Variants in XIRP2 observed in about 807,000 individuals in gnomAD.
XIRP2 encodes xin actin binding repeat containing 2, also known as xin actin-binding repeat-containing protein 2.
In XIRP2, 236 loss-of-function variants were observed where a neutral mutation model predicts 277.0. The observed-to-expected ratio is 0.85, with a 90% CI of 0.77 to 0.95. The LOEUF (loss-of-function observed/expected upper bound fraction) is 0.95, where lower values mean the gene tolerates loss of function less well. Among genes scored for constraint, XIRP2 ranks in the 40% least tolerant of loss-of-function variants. The probability of loss-of-function intolerance (pLI) is 0.00; values close to 1 mark genes in which losing one functional copy is unlikely to be tolerated. For missense variants in XIRP2, 4,640 were observed against 4,157.5 expected (o/e 1.12, Z -3.19); for synonymous variants, 1,490 against 1,416.5 (o/e 1.05, Z -1.17).
rs1284422475 is a variant in XIRP2, at chr2:167,242,741, A to G, written c.1349A>G (p.Glu450Gly). Residue 450 changes from glutamate to glycine, a missense_variant, in exon 9 of 11, where the codon GAA becomes GGA. Glu to Gly is a moderately conservative substitution (Grantham distance 98). Transcript: ENST00000409195. ...QINATSSGMT[E>G]EFPPPPPDVL... ...AATGCTACTTCTTCAGGAATGACAG[A>G]AGAATTTCCTCCTCCCCCACCTGAC... 3.1e-6 allele frequency: 5 copies of G among 1,613,882 alleles called. No homozygotes were observed. The South Asian group carries it at 5.5e-5, about 18-fold the overall frequency.
chr2:167,188,874 G>A (rs966397503), intron 3 of XIRP2, among the ~76,000 whole-genome samples: 1 of 152,112 alleles, frequency 6.6e-6, no homozygotes, highest in African/African-American at 2.4e-5. Flanking sequence ...TCAACCACCT[G>A]AAAAATAAAA....
intron 3 of XIRP2, among the ~76,000 whole-genome samples, chr2:167,137,489 T>C (rs983018711): frequency 1.3e-5 from 2 of 152,058 alleles, no homozygotes; most frequent in African/African-American, 4.8e-5. Flanking sequence ...GAGCTTAGCA[T>C]AGGGAGGCAA....
At chr2:166,998,073 A>G (rs1687271112) in intron 2 of XIRP2, among the ~76,000 whole-genome samples, 1 of 152,180 alleles carries the variant, frequency 6.6e-6, no homozygotes, top group South Asian at 2.1e-4. Context: ...TTCAGAATAC[A>G]CATAAAATGC....
chr2:167,117,303 C>T (rs368144215), intron 2 of XIRP2, among the ~76,000 whole-genome samples: 4 of 152,098 alleles, frequency 2.6e-5, no homozygotes, highest in African/African-American at 4.8e-5. Context: ...TCCACCTCCC[C>T]ACTCCCCGCC....
chr2:167,250,034 C>G lies in XIRP2; in HGVS notation c.8642C>G (p.Ala2881Gly), dbSNP rs1250299833. 18 of 1,613,376 alleles carry G rather than the reference C, an allele frequency of 1.1e-5. No individual in the cohort carries two copies. The highest frequency in any genetic ancestry group is 1.5e-5 in the Non-Finnish European group (18 of 1,179,684). Residue 2881 changes from alanine (A) to glycine (G), a missense_variant, in exon 9 of 11, where the codon GCT (alanine) becomes GGT (glycine). Coordinates refer to ENST00000409195, the MANE Select transcript of XIRP2 (RefSeq NM_152381.6). ...QTQIQTAESK[A>G]EHKKLPQPYN... Reference sequence around the variant, plus strand: ...CAAATACAGACCGCTGAAAGTAAAGCTGAACATAAAAAATTGCCCCAGCCA... The same window carrying G: ...CAAATACAGACCGCTGAAAGTAAAGGTGAACATAAAAAATTGCCCCAGCCA...
intron 4 of XIRP2, among the ~76,000 whole-genome samples, chr2:167,215,370 A>G (rs1339670399): frequency 3.3e-5 from 5 of 152,208 alleles, no homozygotes; most frequent in Admixed American, 3.3e-4. Flanking sequence ...CATATTTTGA[A>G]ATATTTGATA....
intron 3 of XIRP2, among the ~76,000 whole-genome samples, chr2:167,155,975 C>A (rs997808762): frequency 8.7e-5 from 13 of 150,106 alleles, no homozygotes; most frequent in African/African-American, 3.2e-4. Flanking sequence ...AGAGCCAAAT[C>A]ATGAGTGCAC....
At chr2:166,918,624 C>T (rs72882757) in intron 2 of XIRP2, among the ~76,000 whole-genome samples, 31,917 of 151,898 alleles carry the variant, frequency 0.21, 3,998 homozygotes, top group Admixed American at 0.28. Flanking sequence ...TCGGAAAAAA[C>T]TAAAGTGGCA....
At chr2:167,240,916 G>A (rs1467939110) in intron 7 of XIRP2, among the ~76,000 whole-genome samples, 180 bp downstream of exon 7, 1 of 152,058 alleles carries the variant, frequency 6.6e-6, no homozygotes, top group African/African-American at 2.4e-5. Context: ...TGTGGTCATA[G>A]GTGCAATAAG....
chr2:166,957,616 A>C (rs1312823106), intron 2 of XIRP2, among the ~76,000 whole-genome samples: 1 of 151,762 alleles, frequency 6.6e-6, no homozygotes, highest in East Asian at 1.9e-4. Flanking sequence ...GAACTTTTTA[A>C]AGCAATTATA....
At chr2:167,057,421 A>G (rs181562153) in intron 2 of XIRP2, among the ~76,000 whole-genome samples, 2 of 152,324 alleles carry the variant, frequency 1.3e-5, no homozygotes, top group African/African-American at 4.8e-5. Context: ...GAGAAGAATA[A>G]CATTGTGACT....
At chr2:167,034,842 C>T (rs1321317007) in intron 2 of XIRP2, among the ~76,000 whole-genome samples, 2 of 152,176 alleles carry the variant, frequency 1.3e-5, no homozygotes, top group Admixed American at 6.5e-5. Flanking sequence ...TGTGTCCCCA[C>T]CCAAATCTCA....
chr2:166,978,842 T>G (rs933518644), intron 2 of XIRP2, among the ~76,000 whole-genome samples: 3 of 152,040 alleles, frequency 2.0e-5, no homozygotes, highest in Non-Finnish European at 4.4e-5. Context: ...TAGCCAAGTG[T>G]GTTGGCAAAC....
intron 3 of XIRP2, among the ~76,000 whole-genome samples, chr2:167,195,378 C>T (rs562542167): frequency 7.9e-5 from 12 of 152,332 alleles, no homozygotes; most frequent in African/African-American, 2.9e-4. Flanking sequence ...GGTTCTTAGA[C>T]TCTCAATATA....
chr2:166,982,675 A>C (rs532383901), intron 2 of XIRP2, among the ~76,000 whole-genome samples: 13 of 152,082 alleles, frequency 8.5e-5, no homozygotes, highest in Non-Finnish European at 1.3e-4. Context: ...TTGGTTCTAT[A>C]ATTTCTATTT....
At chr2:167,064,467 T>C (rs1478511873) in intron 2 of XIRP2, among the ~76,000 whole-genome samples, 1 of 151,944 alleles carries the variant, frequency 6.6e-6, no homozygotes, top group African/African-American at 2.4e-5. Flanking sequence ...AATACATGCT[T>C]TAAACTATAA....
At chr2:167,242,523 G>A in intron 8 of XIRP2, 46 bp from the exon 9 acceptor site, 2 of 1,554,806 alleles carry the variant, frequency 1.3e-6, no homozygotes, top group South Asian at 2.5e-5. Context: ...GGAAGCCTCT[G>A]CCACTACACT....
chr2:167,030,135 T>C (rs931425544), intron 2 of XIRP2, among the ~76,000 whole-genome samples: 1 of 152,136 alleles, frequency 6.6e-6, no homozygotes, highest in Non-Finnish European at 1.5e-5. Context: ...TAGCAGTCTA[T>C]CTATTTTGTT....
intron 2 of XIRP2, among the ~76,000 whole-genome samples, chr2:166,937,738 G>C (rs1017159322): frequency 5.9e-5 from 9 of 152,096 alleles, no homozygotes; most frequent in Admixed American, 2.6e-4. Context: ...ACATTTTTTG[G>C]TTAGTAAGCT....
Sources: allele counts gnomAD v4.1 joint callset (sites outside exome capture counted in the v4.1 genomes callset), GRCh38; gene constraint gnomAD v4.1.1; transcripts MANE v1.5; gene names NCBI Gene and HGNC (gene_info 2026-07-23, HGNC 2026-07-21).